COL4A2: variants seen among roughly 807,000 people sequenced by gnomAD.
COL4A2 encodes collagen type IV alpha 2 chain, also known as collagen alpha-2(IV) chain.
COL4A2 carries 99 observed loss-of-function variants against 200.2 expected under a neutral mutation model. The observed-to-expected ratio is 0.49, with a 90% CI of 0.42 to 0.58. COL4A2 has a LOEUF of 0.58. COL4A2 is among the 20% of genes least tolerant of loss of function. COL4A2 has a pLI of 0.00. For synonymous variants in COL4A2, 897 were observed against 900.6 expected, an observed-to-expected ratio of 1.00 and a Z score of 0.07; for missense variants, 1,950 against 2,314.1, an observed-to-expected ratio of 0.84 and a Z score of 3.23.
intron 6 of COL4A2, among the ~76,000 whole-genome samples, chr13:110,428,169 C>G (rs1880538121): frequency 7.2e-6 from 1 of 139,112 alleles, no homozygotes; most frequent in Admixed American, 7.0e-5. Context: ...TTTTACTTGT[C>G]CCTGCTGATA....
intron 4 of COL4A2, among the ~76,000 whole-genome samples, chr13:110,374,134 G>T (rs1400879016): frequency 6.6e-6 from 1 of 152,194 alleles, no homozygotes. Context: ...AGCATGCATT[G>T]TCATGATACC....
chr13:110,481,056 CTGGAGACACACTGT>C (rs1882891054), intron 31 of COL4A2, among the ~76,000 whole-genome samples: 4 of 95,442 alleles, frequency 4.2e-5, no homozygotes, highest in Admixed American at 9.5e-5. Context: ...CCCTCCATTG[CTGGAGACACACTGT>C]TCTGTCCCTC....
At chr13:110,392,154 C>A (rs920995802) in intron 4 of COL4A2, among the ~76,000 whole-genome samples, 1 of 152,174 alleles carries the variant, frequency 6.6e-6, no homozygotes, top group South Asian at 2.1e-4. Flanking sequence ...CTGAAAGTCA[C>A]GGTTGAATAT....
chr13:110,373,391 TC>T (rs1878100168), intron 4 of COL4A2, among the ~76,000 whole-genome samples: 1 of 152,244 alleles, frequency 6.6e-6, no homozygotes. Context: ...TCAGAGGGCA[TC>T]TATGGTAGAG....
intron 3 of COL4A2, among the ~76,000 whole-genome samples, chr13:110,356,808 C>G (rs1342950328): frequency 6.6e-6 from 1 of 151,518 alleles, no homozygotes; most frequent in Non-Finnish European, 1.5e-5. Flanking sequence ...ACTCTGTGGC[C>G]CAGGCTGGAG....
At chr13:110,493,048 C>A (rs370382680) in intron 38 of COL4A2, among the ~76,000 whole-genome samples, 163 bp from the exon 39 acceptor site, 1 of 151,674 alleles carries the variant, frequency 6.6e-6, no homozygotes, top group Non-Finnish European at 1.5e-5. Context: ...GTGACACCCC[C>A]ACAGGTGAAA....
chr13:110,479,320 G>T (rs1217908663), intron 30 of COL4A2, among the ~76,000 whole-genome samples: 2 of 48,088 alleles, frequency 4.2e-5, no homozygotes, highest in Non-Finnish European at 9.0e-5. Flanking sequence ...ACAAGGCCAC[G>T]CGGTCCCCGG....
chr13:110,470,205 T>C (rs1882415106), intron 28 of COL4A2, among the ~76,000 whole-genome samples: 1 of 152,158 alleles, frequency 6.6e-6, no homozygotes, highest in African/African-American at 2.4e-5. Context: ...CGTGAGCCAC[T>C]GTGCCAGGCC....
At chr13:110,453,088 G>T (rs1434162663) in intron 20 of COL4A2, among the ~76,000 whole-genome samples, 1 of 152,230 alleles carries the variant, frequency 6.6e-6, no homozygotes, top group South Asian at 2.1e-4. Context: ...CATTATCCTG[G>T]ACTGCTGTGA....
intron 36 of COL4A2, among the ~76,000 whole-genome samples, chr13:110,490,320 C>T (rs928334898): frequency 3.9e-5 from 6 of 152,202 alleles, no homozygotes; most frequent in African/African-American, 1.2e-4. Context: ...CCTGCAGTGA[C>T]GTCTCAAGGG....
At chr13:110,342,038 A>G (rs1876477680) in intron 3 of COL4A2, among the ~76,000 whole-genome samples, 1 of 152,218 alleles carries the variant, frequency 6.6e-6, no homozygotes. Flanking sequence ...TGACGAACAG[A>G]GAATGGGGAT....
intron 28 of COL4A2, among the ~76,000 whole-genome samples, chr13:110,470,945 C>G (rs942785854): frequency 2.0e-5 from 3 of 152,154 alleles, no homozygotes; most frequent in African/African-American, 7.2e-5. Context: ...CTTCCTGTGT[C>G]TGTATCAAGG....
At chr13:110,329,563 A>G (rs778955540) in intron 3 of COL4A2, among the ~76,000 whole-genome samples, 1 of 152,204 alleles carries the variant, frequency 6.6e-6, no homozygotes, top group Non-Finnish European at 1.5e-5. Context: ...TCCTCATGGC[A>G]TCCTTGGAAA....
At chr13:110,347,104 C>T (rs981771400) in intron 3 of COL4A2, among the ~76,000 whole-genome samples, 2 of 152,196 alleles carry the variant, frequency 1.3e-5, no homozygotes, top group Non-Finnish European at 2.9e-5. Flanking sequence ...GTGGCCAGGG[C>T]AGAGGATGTG....
intron 34 of COL4A2, among the ~76,000 whole-genome samples, chr13:110,489,122 G>A (rs1230994805): frequency 6.6e-6 from 1 of 152,130 alleles, no homozygotes; most frequent in African/African-American, 2.4e-5. Flanking sequence ...TGTAATCCCA[G>A]CTGCACAGGA....
chr13:110,485,176 G>A (rs1883071601), intron 33 of COL4A2, 149 bp downstream of exon 33: 2 of 674,216 alleles, frequency 3.0e-6, no homozygotes, highest in African/African-American at 3.6e-5. Flanking sequence ...TGTGTCCATA[G>A]CTGGCGCAGG....
At chr13:110,368,925 T>A (rs1438308292) in intron 4 of COL4A2, among the ~76,000 whole-genome samples, 2 of 151,512 alleles carry the variant, frequency 1.3e-5, no homozygotes, top group African/African-American at 2.4e-5. Context: ...ATAATACAAT[T>A]AGGCCAGGCG....
intron 4 of COL4A2, among the ~76,000 whole-genome samples, chr13:110,413,391 G>A (rs1272225886): frequency 6.6e-6 from 1 of 152,204 alleles, no homozygotes; most frequent in Admixed American, 6.5e-5. Context: ...GTACAGAGAT[G>A]TAGTATGGCA....
intron 45 of COL4A2, among the ~76,000 whole-genome samples, chr13:110,505,160 C>A (rs568851984): frequency 2.0e-5 from 3 of 151,520 alleles, no homozygotes; most frequent in East Asian, 2.0e-4. Flanking sequence ...ACCATCCTGG[C>A]TAACACGGTG....
Sources: gnomAD v4.1 joint callset for allele counts (sites outside exome capture counted in the v4.1 genomes callset) on GRCh38, gnomAD v4.1.1 for gene constraint, MANE v1.5 for transcripts, NCBI Gene and HGNC (gene_info 2026-07-23, HGNC 2026-07-21) for gene names.